Variants in FRMPD4 observed in about 807,000 individuals in gnomAD.
FRMPD4 encodes FERM and PDZ domain-containing protein 4.
Under a neutral mutation model 94.1 loss-of-function variants are expected in FRMPD4, and 22 were observed. The ratio of observed to expected loss-of-function variants is 0.23; its 90% CI spans 0.17 to 0.33. FRMPD4 has a LOEUF of 0.33. Ranked by LOEUF, FRMPD4 falls within the 10% of genes least tolerant of loss-of-function variation. The pLI is 1.00. For missense variants in FRMPD4, 1,111 were observed against 1,339.9 expected, an observed-to-expected ratio of 0.83 and a Z score of 2.67; for synonymous variants, 631 against 548.6, an observed-to-expected ratio of 1.15 and a Z score of -2.10.
Position 12,721,917 on chromosome X carries a change from TTGTG to T in FRMPD4, c.*63_*66del. 1.8e-6 allele frequency: 1 copy of T among 544,748 alleles called. No homozygotes were observed. The highest frequency in any genetic ancestry group is 9.5e-5 in the South Asian group (1 of 10,541). The allele number at this position is 544,748 out of a possible 1,213,427, so 44.9% of individuals were successfully genotyped here. On this transcript the variant is annotated 3_prime_UTR_variant, in exon 17 of 17. Transcript: ENST00000675598. Reference sequence around the variant, plus strand: ...AGCCATACATGAACTTTTATTTACTTTGTGTGTATGATGAACAGATGTCTCCTTT... The same window carrying T: ...AGCCATACATGAACTTTTATTTACTTTGTATGATGAACAGATGTCTCCTTT...
At chrX:12,589,871 A>G (rs890946176) in intron 2 of FRMPD4, among the ~76,000 whole-genome samples, 2 of 112,022 alleles carry the variant, frequency 1.8e-5, no homozygotes, top group African/African-American at 3.2e-5. Flanking sequence ...TTAACAGCGC[A>G]AAGCTCCGTA....
At chrX:12,524,763 C>A (rs1198874427) in intron 2 of FRMPD4, among the ~76,000 whole-genome samples, 1 of 111,232 alleles carries the variant, frequency 9.0e-6, no homozygotes, top group Non-Finnish European at 1.9e-5. Flanking sequence ...CCTACAGCAT[C>A]ATCTCCTTGA....
chrX:12,306,397 C>T (rs1233689438), intron 1 of FRMPD4, among the ~76,000 whole-genome samples: 1 of 111,862 alleles, frequency 8.9e-6, no homozygotes, highest in Non-Finnish European at 1.9e-5. Flanking sequence ...CTTGCAGTGA[C>T]GAGCATTTAG....
intron 3 of FRMPD4, among the ~76,000 whole-genome samples, chrX:12,056,379 G>A (rs979433388): frequency 3.6e-4 from 40 of 112,018 alleles, no homozygotes; most frequent in African/African-American, 1.3e-3. Flanking sequence ...TGAAACGGGG[G>A]TCTTAGGACC....
intron 1 of FRMPD4, among the ~76,000 whole-genome samples, chrX:12,180,167 A>C (rs1190128024): frequency 6.3e-5 from 7 of 111,976 alleles, no homozygotes; most frequent in African/African-American, 1.9e-4. Flanking sequence ...GCCACTAGCC[A>C]CATGTACATA....
chrX:12,115,332 C>T (rs2055398859), intron 3 of FRMPD4, among the ~76,000 whole-genome samples: 1 of 111,648 alleles, frequency 9.0e-6, no homozygotes, highest in Non-Finnish European at 1.9e-5. Flanking sequence ...CACACACCAA[C>T]ATGCTTGGCT....
intron 3 of FRMPD4, among the ~76,000 whole-genome samples, chrX:11,959,839 G>T (rs2054275227): frequency 1.8e-5 from 2 of 111,579 alleles, no homozygotes. Context: ...TGAGGACTTA[G>T]AATTTTATTT....
chrX:12,711,649 T>TA (rs1053445790), intron 14 of FRMPD4, among the ~76,000 whole-genome samples: 1 of 110,574 alleles, frequency 9.0e-6, no homozygotes, highest in South Asian at 3.9e-4. Context: ...ACTGAGCCAT[T>TA]AAAAAAAAGT....
intron 3 of FRMPD4, among the ~76,000 whole-genome samples, chrX:11,887,028 G>A (rs2053849486): frequency 1.8e-5 from 2 of 111,116 alleles, no homozygotes; most frequent in Admixed American, 1.9e-4. Flanking sequence ...TTATTCATGT[G>A]TCTATTGTCT....
chrX:12,281,670 T>C (rs1376356388), intron 1 of FRMPD4, among the ~76,000 whole-genome samples: 1 of 112,055 alleles, frequency 8.9e-6, no homozygotes, highest in Non-Finnish European at 1.9e-5. Context: ...CCACTGTGCC[T>C]TGGCCTTAAA....
chrX:12,621,978 GAAAGAA>G (rs1232175601), intron 4 of FRMPD4, among the ~76,000 whole-genome samples: 501 of 27,897 alleles, frequency 0.018, 30 homozygotes, highest in African/African-American at 0.093. Flanking sequence ...GAGAAAGAAA[GAAAGAA>G]AGAAAGAAAG....
chrX:12,365,225 G>C (rs147826590), intron 1 of FRMPD4, among the ~76,000 whole-genome samples: 2,229 of 111,529 alleles, frequency 0.02, 61 homozygotes, highest in African/African-American at 0.068. Flanking sequence ...GAGAGGGTGG[G>C]AGAAGGGAAC....
chrX:12,233,977 A>ATGAATTATTTAT lies in FRMPD4; in HGVS notation c.41+94966_41+94967insGAATTATTTATT, dbSNP rs1555938822. ...GCGTCATCTGCCAGAGAATGAATGA[A>ATGAATTATTTAT]TTATTTATTTATTTATTTATTTATT... is the stretch of plus-strand genomic sequence containing the variant. On this transcript the variant is annotated intron_variant, in intron 1 of 16. Coordinates refer to ENST00000675598, the MANE Select transcript of FRMPD4 (RefSeq NM_001368397.1). Among the ~76,000 whole-genome samples, 39 of 103,223 alleles carry ATGAATTATTTAT rather than the reference A, an allele frequency of 3.8e-4. 1 individual carries two copies. Among genetic ancestry groups the ATGAATTATTTAT allele is most frequent in the Admixed American group, 2.8e-3 (26 of 9,291 alleles). 89.6% of individuals were successfully genotyped at this position (103,223 alleles called of 115,157 possible). A position where few individuals can be genotyped will look rare whatever the true frequency, so the allele number is the denominator to read the frequency against.
At chrX:11,989,589 G>A (rs1334943139) in intron 3 of FRMPD4, among the ~76,000 whole-genome samples, 3 of 110,790 alleles carry the variant, frequency 2.7e-5, no homozygotes, top group Non-Finnish European at 5.7e-5. Context: ...AGTACAATGA[G>A]GTGACTATAG....
chrX:12,174,393 C>T (rs2147655124), intron 1 of FRMPD4, among the ~76,000 whole-genome samples: 1 of 112,508 alleles, frequency 8.9e-6, no homozygotes, highest in South Asian at 3.7e-4. Flanking sequence ...CTGACCCCTT[C>T]TCTAGAAAAC....
At chrX:12,012,195 A>G (rs6640861) in intron 3 of FRMPD4, among the ~76,000 whole-genome samples, 16,015 of 111,077 alleles carry the variant, frequency 0.14, 1,211 homozygotes, top group African/African-American at 0.27. Flanking sequence ...CACTGCGCCC[A>G]GCCCTGAATG....
intron 2 of FRMPD4, among the ~76,000 whole-genome samples, chrX:12,601,627 G>A (rs769253096): frequency 1.8e-5 from 2 of 112,010 alleles, no homozygotes; most frequent in East Asian, 5.6e-4. Context: ...GTGTGCGATC[G>A]TATTATATTC....
At chrX:11,856,855 A>C (rs1441816624) in intron 1 of FRMPD4, among the ~76,000 whole-genome samples, 1 of 112,368 alleles carries the variant, frequency 8.9e-6, no homozygotes, top group Non-Finnish European at 1.9e-5. Context: ...CCACTTCGGG[A>C]AAGTCTCAGG....
At chrX:12,298,812 C>T (rs889997363) in intron 1 of FRMPD4, among the ~76,000 whole-genome samples, 4 of 112,197 alleles carry the variant, frequency 3.6e-5, no homozygotes, top group African/African-American at 6.5e-5. Context: ...TGGCCAATGG[C>T]CCCTCCACCT....
Sources: allele counts gnomAD v4.1 joint callset (sites outside exome capture counted in the v4.1 genomes callset), GRCh38; gene constraint gnomAD v4.1.1; transcripts MANE v1.5; gene names NCBI Gene and HGNC (gene_info 2026-07-23, HGNC 2026-07-21).